The following TAPBPL variants were observed in gnomAD, a reference collection of about 807,000 sequenced individuals.
TAPBPL encodes the protein tapasin-related protein.
Under a neutral mutation model 44.8 loss-of-function variants are expected in TAPBPL, and 32 were observed. That is an observed-to-expected ratio of 0.71 (90% confidence interval 0.54 to 0.96). The LOEUF is 0.96. Ranked by LOEUF, TAPBPL falls within the 40% of genes least tolerant of loss-of-function variation. The pLI, the probability that TAPBPL is intolerant of heterozygous loss-of-function variation, is 0.00. For synonymous variants in TAPBPL, 230 were observed against 240.7 expected (o/e 0.96, Z 0.41); for missense variants, 520 against 586.6 (o/e 0.89, Z 1.17).
At chr12:6,470,254 A>G (rs569029941), downstream of TAPBPL, among the ~76,000 whole-genome samples, 1 of 151,996 alleles carries the variant, frequency 6.6e-6, no homozygotes, top group East Asian at 1.9e-4. Context: ...CTATACCAAA[A>G]CCAGAATGAG....
chr12:6,456,584 A>C (rs10774432), intron 3 of TAPBPL, among the ~76,000 whole-genome samples: 43 of 151,740 alleles, frequency 2.8e-4, no homozygotes, highest in African/African-American at 1.0e-3. Context: ...GGCTGGTCTC[A>C]AACTCCCAAC....
In TAPBPL at chr12:6,452,332, A is replaced by C; in HGVS notation, c.64+20A>C. ...AAACCAGTGAGTCTGGGAGTCGGGG[A>C]GAGCTGGCTGGGAGAAGAGCTACTG... On this transcript the variant is annotated intron_variant, in intron 1 of 6. Coordinates refer to ENST00000266556, the MANE Select transcript of TAPBPL (RefSeq NM_018009.5). 1 of 1,566,546 alleles carries C rather than the reference A, an allele frequency of 6.4e-7. No individual in the cohort carries two copies. Among genetic ancestry groups the C allele is most frequent in the Non-Finnish European group, 8.7e-7 (1 of 1,155,344 alleles).
intron 3 of TAPBPL, among the ~76,000 whole-genome samples, chr12:6,454,843 C>G (rs1277382871): frequency 6.6e-6 from 1 of 152,024 alleles, no homozygotes; most frequent in African/African-American, 2.4e-5. Flanking sequence ...TCCCCAGAGC[C>G]CATTAATCCA....
chr12:6,464,346 G>C, downstream of TAPBPL: 1 of 1,551,070 alleles, frequency 6.4e-7, no homozygotes, highest in Non-Finnish European at 8.7e-7. Context: ...AGGAGGAATG[G>C]GTGATGGAGA....
chr12:6,460,132 C>T (rs1949811204), intron 5 of TAPBPL, among the ~76,000 whole-genome samples: 1 of 152,168 alleles, frequency 6.6e-6, no homozygotes, highest in Non-Finnish European at 1.5e-5. Flanking sequence ...TGGAAACATC[C>T]AGGAGCACTG....
chr12:6,464,703 G>C, downstream of TAPBPL: 1 of 1,505,844 alleles, frequency 6.6e-7, no homozygotes, highest in African/African-American at 1.4e-5. Context: ...GCAGGGGGAA[G>C]GCTTGTCCAT....
intron 5 of TAPBPL, among the ~76,000 whole-genome samples, chr12:6,460,559 G>C (rs1372290630): frequency 6.6e-6 from 1 of 152,218 alleles, no homozygotes; most frequent in African/African-American, 2.4e-5. Flanking sequence ...GAGCCACTGT[G>C]TCCAGGCAAG....
chr12:6,463,183 G>A, downstream of TAPBPL: 1 of 1,437,546 alleles, frequency 7.0e-7, no homozygotes, highest in South Asian at 1.5e-5. This position sits in a 1 kb window ranked among gnomAD's most constrained non-coding sequence, Gnocchi z 4.0. Context: ...AGAGAAAGGA[G>A]GCAAAGTAGA....
chr12:6,457,324 C>A, intron 3 of TAPBPL, 82 bp from the exon 4 acceptor site: 2 of 1,413,786 alleles, frequency 1.4e-6, no homozygotes, highest in Non-Finnish European at 1.9e-6. Flanking sequence ...AGGTGTATGC[C>A]CACAACATGC....
rs760981246 is a variant in TAPBPL, at chr12:6,462,281, T to A, written c.*132T>A. ...ATTTTTTGCCTTTGTTCAGAATACA[T>A]GACATTGGTAAATATGCCACATGCC... On this transcript the variant is annotated 3_prime_UTR_variant, in exon 7 of 7. Coordinates refer to ENST00000266556, the MANE Select transcript of TAPBPL (RefSeq NM_018009.5). The A allele has an allele frequency of 5.8e-6, 4 of 687,372 alleles. No individual in the cohort carries two copies. The highest frequency in any genetic ancestry group is 9.7e-6 in the Non-Finnish European group (4 of 412,606). 42.6% of individuals were successfully genotyped at this position (687,372 alleles called of 1,614,324 possible). A position where few individuals can be genotyped will look rare whatever the true frequency, so the allele number is the denominator to read the frequency against.
chr12:6,465,087 G>C (rs1035230385), downstream of TAPBPL: 2 of 1,188,750 alleles, frequency 1.7e-6, no homozygotes, highest in Non-Finnish European at 2.3e-6. Flanking sequence ...GCCTCTTAGA[G>C]AGGCCCTACC....
chr12:6,463,315 A>C, downstream of TAPBPL: 1 of 1,201,586 alleles, frequency 8.3e-7, no homozygotes, highest in Non-Finnish European at 1.0e-6. The surrounding 1 kb of genome is among the most constrained non-coding windows in gnomAD (Gnocchi z 4.0). Flanking sequence ...ACAGGCTGGC[A>C]CGCCTCCCCC....
chr12:6,458,188 C>T (rs1470018105), intron 4 of TAPBPL, among the ~76,000 whole-genome samples: 1 of 152,130 alleles, frequency 6.6e-6, no homozygotes, highest in African/African-American at 2.4e-5. Flanking sequence ...CCAGCCTGGC[C>T]AATACGGTGA....
At chr12:6,454,195 G>A (rs1388189711) in intron 3 of TAPBPL, among the ~76,000 whole-genome samples, 5 of 151,946 alleles carry the variant, frequency 3.3e-5, no homozygotes, top group Admixed American at 3.3e-4. Context: ...CAGGCCAGGT[G>A]CGAAGGCCCA....
At chr12:6,470,630 T>G (rs113049745), downstream of TAPBPL, 2,131 of 1,531,454 alleles carry the variant, frequency 1.4e-3, 3 homozygotes, top group Admixed American at 1.7e-3. Flanking sequence ...ACTGCCAAGC[T>G]CCGCCTCGCG....
At position 6,460,975 on chromosome 12, in the gene TAPBPL, C is replaced by G. The variant is rs1339846112; in HGVS notation, c.1291+37C>G. 3.1e-6 allele frequency: 5 copies of G among 1,613,054 alleles called. No homozygotes were observed. The Admixed American group carries it at 8.3e-5, about 27-fold the overall frequency. Reference sequence around the variant, plus strand: ...GGTGCCCTTGGCTCTGGCCCTGGCCCACCTCACCCACTCTAACCACCCCCC... The same window carrying G: ...GGTGCCCTTGGCTCTGGCCCTGGCCGACCTCACCCACTCTAACCACCCCCC... On this transcript the variant is annotated intron_variant, in intron 6 of 6. Coordinates refer to ENST00000266556, the MANE Select transcript of TAPBPL (RefSeq NM_018009.5).
downstream of TAPBPL, chr12:6,463,190 T>G: frequency 7.0e-7 from 1 of 1,437,634 alleles, no homozygotes; most frequent in Non-Finnish European, 9.1e-7. This position sits in a 1 kb window ranked among gnomAD's most constrained non-coding sequence, Gnocchi z 4.0. Flanking sequence ...GGAGGCAAAG[T>G]AGAATTCAGA....
chr12:6,453,486 A>T lies in TAPBPL; in HGVS notation c.335A>T (p.His112Leu), dbSNP rs143238457. 4.4e-4 allele frequency: 708 copies of T among 1,614,158 alleles called. 2 individuals carry two copies. The African/African-American group carries it at 7.4e-3, about 17-fold the overall frequency. ...VQIPQAEALL[H>L]ADCSGKEVTC... Reference sequence around the variant, plus strand: ...ATTCCCCAGGCCGAGGCCTTGCTCCATGCTGACTGCAGTGGGAAGGAGGTG... The same window carrying T: ...ATTCCCCAGGCCGAGGCCTTGCTCCTTGCTGACTGCAGTGGGAAGGAGGTG... The change falls in exon 3 of 7, where the codon CAT becomes CTT. Residue 112 changes from histidine (H) to leucine (L), a missense_variant. His to Leu is a moderately conservative substitution (Grantham distance 99). Transcript: ENST00000266556. The surrounding 1 kb of genome is among the most constrained non-coding windows in gnomAD (Gnocchi z 4.8).
chr12:6,452,469 G>A, intron 1 of TAPBPL, 157 bp downstream of exon 1: 1 of 1,429,048 alleles, frequency 7.0e-7, no homozygotes, highest in Non-Finnish European at 9.2e-7. Context: ...GCAAAGGAAG[G>A]AACCAATAGT....
Sources: allele counts gnomAD v4.1 joint callset (sites outside exome capture counted in the v4.1 genomes callset), GRCh38; gene constraint gnomAD v4.1.1; non-coding constraint Gnocchi (gnomAD v3.1); transcripts MANE v1.5; gene names NCBI Gene and HGNC (gene_info 2026-07-23, HGNC 2026-07-21).